Variants in RBM20 observed in about 807,000 individuals in gnomAD.
The protein encoded by RBM20 is RNA binding motif protein 20.
RBM20 carries 51 observed loss-of-function variants against 110.1 expected under a neutral mutation model. The ratio of observed to expected loss-of-function variants is 0.46; its 90% confidence interval spans 0.37 to 0.59. The LOEUF is 0.59. Among genes scored for constraint, RBM20 ranks in the 20% least tolerant of loss-of-function variants. The pLI, the probability that RBM20 is intolerant of heterozygous loss-of-function variation, is 0.00. For missense variants in RBM20, 1,512 were observed against 1,574.9 expected (o/e 0.96, Z 0.68); for synonymous variants, 589 against 618.2 (o/e 0.95, Z 0.70).
chr10:110,729,360 T>A (rs576507441), intron 1 of RBM20, among the ~76,000 whole-genome samples: 1 of 152,332 alleles, frequency 6.6e-6, no homozygotes, highest in East Asian at 1.9e-4. Context: ...TTTCTGCCCT[T>A]CCTGCCTCTC....
chr10:110,800,020 G>A (rs571315892), intron 7 of RBM20, 102 bp downstream of exon 7: 1 of 1,142,830 alleles, frequency 8.8e-7, no homozygotes, highest in Admixed American at 2.2e-5. Flanking sequence ...GAGAGGATAG[G>A]AAAAGATTCA....
intron 1 of RBM20, among the ~76,000 whole-genome samples, chr10:110,722,669 C>T (rs2134935078): frequency 6.6e-6 from 1 of 152,248 alleles, no homozygotes; most frequent in African/African-American, 2.4e-5. Context: ...AGATCTTGCC[C>T]CAGAATTAGT....
intron 1 of RBM20, among the ~76,000 whole-genome samples, chr10:110,657,855 T>C (rs1246875456): frequency 6.6e-6 from 1 of 152,252 alleles, no homozygotes; most frequent in Non-Finnish European, 1.5e-5. Flanking sequence ...AATGATATTT[T>C]AACCTTTTAG....
intron 6 of RBM20, among the ~76,000 whole-genome samples, chr10:110,798,665 A>G (rs548764275): frequency 6.6e-6 from 1 of 152,332 alleles, no homozygotes; most frequent in South Asian, 2.1e-4. Flanking sequence ...GCCATAGACT[A>G]TGACAGCATG....
chr10:110,711,609 G>A (rs1480833095), intron 1 of RBM20, among the ~76,000 whole-genome samples: 1 of 152,182 alleles, frequency 6.6e-6, no homozygotes, highest in Non-Finnish European at 1.5e-5. Flanking sequence ...GTCAGAGAAG[G>A]GGTTGACATT....
chr10:110,719,202 A>T (rs1843474420), intron 1 of RBM20, among the ~76,000 whole-genome samples: 1 of 152,252 alleles, frequency 6.6e-6, no homozygotes, highest in Admixed American at 6.5e-5. Flanking sequence ...CAGAGCAGGA[A>T]ATATTTGTTT....
At chr10:110,801,237 G>A (rs1028258953) in intron 7 of RBM20, among the ~76,000 whole-genome samples, 2 of 152,030 alleles carry the variant, frequency 1.3e-5, no homozygotes, top group African/African-American at 4.8e-5. Context: ...GAGCAGCCTG[G>A]CCAACATGGT....
chr10:110,694,410 T>C (rs918302066), intron 1 of RBM20, among the ~76,000 whole-genome samples: 1 of 152,208 alleles, frequency 6.6e-6, no homozygotes, highest in African/African-American at 2.4e-5. Context: ...CTAGCTCTTA[T>C]GTCAAAAGCT....
chr10:110,797,160 G>A (rs972369222), intron 5 of RBM20, among the ~76,000 whole-genome samples: 3 of 152,194 alleles, frequency 2.0e-5, no homozygotes, highest in South Asian at 2.1e-4. Flanking sequence ...TGAAATGGTG[G>A]TGCATGCCTG....
intron 1 of RBM20, among the ~76,000 whole-genome samples, chr10:110,776,597 A>G (rs1844267467): frequency 6.6e-6 from 1 of 152,098 alleles, no homozygotes; most frequent in Non-Finnish European, 1.5e-5. Context: ...TTCCATCCTT[A>G]TATCTTCTCG....
intron 1 of RBM20, among the ~76,000 whole-genome samples, chr10:110,776,413 C>T (rs1038667155): frequency 2.0e-5 from 3 of 152,166 alleles, no homozygotes; most frequent in African/African-American, 7.2e-5. Context: ...AGTCCAAAAC[C>T]AGCCTCACTG....
At chr10:110,757,197 A>T (rs1051555406) in intron 1 of RBM20, among the ~76,000 whole-genome samples, 10 of 152,166 alleles carry the variant, frequency 6.6e-5, no homozygotes, top group African/African-American at 9.7e-5. Flanking sequence ...ATTGCTTATT[A>T]TTCTCCCAAG....
At chr10:110,755,298 C>A (rs370625615) in intron 1 of RBM20, among the ~76,000 whole-genome samples, 2 of 152,168 alleles carry the variant, frequency 1.3e-5, no homozygotes, top group South Asian at 4.1e-4. Context: ...TTCATCCTTA[C>A]CCCTTTGATG....
At chr10:110,809,956 G>T (rs1844743653) in intron 7 of RBM20, among the ~76,000 whole-genome samples, 1 of 152,228 alleles carries the variant, frequency 6.6e-6, no homozygotes, top group Non-Finnish European at 1.5e-5. Flanking sequence ...AGTTTCCATA[G>T]ATATAAAAAG....
intron 13 of RBM20, 77 bp from the exon 14 acceptor site, chr10:110,835,791 G>T: frequency 1.4e-6 from 2 of 1,402,542 alleles, no homozygotes; most frequent in Non-Finnish European, 2.0e-6. Context: ...GATGATTGAG[G>T]CATGTCCGCT....
At chr10:110,734,378 G>C (rs181263765) in intron 1 of RBM20, among the ~76,000 whole-genome samples, 44 of 152,304 alleles carry the variant, frequency 2.9e-4, no homozygotes, top group African/African-American at 7.7e-4. Flanking sequence ...CTCAAGATTG[G>C]CTCTGGGCAC....
At chr10:110,727,657 A>G (rs1682735653) in intron 1 of RBM20, among the ~76,000 whole-genome samples, 1 of 152,114 alleles carries the variant, frequency 6.6e-6, no homozygotes, top group African/African-American at 2.4e-5. Context: ...ATTTTACTTT[A>G]GGTTCTGGGA....
At chr10:110,700,778 G>A (rs1862745543) in intron 1 of RBM20, among the ~76,000 whole-genome samples, 1 of 152,194 alleles carries the variant, frequency 6.6e-6, no homozygotes, top group South Asian at 2.1e-4. Context: ...CACTTTGGGA[G>A]GCTGAGGCGG....
intron 1 of RBM20, among the ~76,000 whole-genome samples, chr10:110,765,322 G>A (rs1446548453): frequency 1.3e-5 from 2 of 151,906 alleles, no homozygotes; most frequent in Non-Finnish European, 2.9e-5. Flanking sequence ...GAAACATCTC[G>A]TATGTGTTGA....
Sources: allele counts gnomAD v4.1 joint callset (sites outside exome capture counted in the v4.1 genomes callset), GRCh38; gene constraint gnomAD v4.1.1; transcripts MANE v1.5; gene names NCBI Gene and HGNC (gene_info 2026-07-23, HGNC 2026-07-21).